The following MBP variants were observed in gnomAD, a reference collection of about 807,000 sequenced individuals.
The protein encoded by MBP is myelin basic protein.
In MBP, 16 loss-of-function variants were observed where a neutral mutation model predicts 35.8. The ratio of observed to expected loss-of-function variants is 0.45; its 90% CI spans 0.30 to 0.68. The LOEUF is 0.68. MBP is among the 30% of genes least tolerant of loss of function. The probability of loss-of-function intolerance (pLI) is 0.08; values close to 1 mark genes in which losing one functional copy is unlikely to be tolerated. For synonymous variants in MBP, 143 were observed against 159.6 expected (o/e 0.90, Z 0.78); for missense variants, 380 against 404.7 (o/e 0.94, Z 0.52).
chr18:77,034,442 C>A (rs555744943), intron 3 of MBP, among the ~76,000 whole-genome samples: 1 of 152,230 alleles, frequency 6.6e-6, no homozygotes, highest in Non-Finnish European at 1.5e-5. Flanking sequence ...GAGCCTGACC[C>A]AGAGACCCAG....
At chr18:77,038,093 A>G (rs534633277) in intron 3 of MBP, among the ~76,000 whole-genome samples, 2 of 152,358 alleles carry the variant, frequency 1.3e-5, no homozygotes, top group African/African-American at 4.8e-5. Flanking sequence ...AGCGACTACT[A>G]AGATAGAAGA....
chr18:77,041,184 T>G (rs1038518820), intron 3 of MBP, among the ~76,000 whole-genome samples: 28 of 152,294 alleles, frequency 1.8e-4, no homozygotes, highest in African/African-American at 6.3e-4. Flanking sequence ...AAAATGCTCA[T>G]CATCACTGGT....
chr18:77,045,750 T>A (rs1342881485), intron 3 of MBP, among the ~76,000 whole-genome samples: 1 of 152,256 alleles, frequency 6.6e-6, no homozygotes, highest in Admixed American at 6.5e-5. Context: ...CTTTCATTTT[T>A]ATTAGAAACA....
At chr18:77,004,697 TGA>T (rs1004521155) in intron 4 of MBP, 5 of 152,314 alleles carry the variant, frequency 3.3e-5, no homozygotes, top group African/African-American at 1.2e-4. Flanking sequence ...ATACTGGGAA[TGA>T]GAGCGCTGCA....
At chr18:77,043,131 A>G (rs1342437170) in intron 3 of MBP, among the ~76,000 whole-genome samples, 1 of 152,240 alleles carries the variant, frequency 6.6e-6, no homozygotes, top group African/African-American at 2.4e-5. Flanking sequence ...TATAGGGCCT[A>G]TCAGAATGAA....
intron 3 of MBP, among the ~76,000 whole-genome samples, chr18:77,022,884 A>G (rs1168236152): frequency 6.6e-6 from 1 of 152,242 alleles, no homozygotes; most frequent in Non-Finnish European, 1.5e-5. Context: ...AGTGCAGTTT[A>G]GTCGTTAATA....
At chr18:77,017,402 T>G in intron 3 of MBP, 134 bp from the exon 4 acceptor site, 1 of 773,342 alleles carries the variant, frequency 1.3e-6, no homozygotes, top group Non-Finnish European at 1.8e-6. Context: ...CATAAAGCCC[T>G]TGGCCTAGGA....
rs537554555 is a variant in MBP at position 77,033,030 on chromosome 18, T to TGATCTCAGCTCACTGTA, written c.140-15779_140-15763dup. 2.4e-4 allele frequency among the ~76,000 whole-genome samples: 36 copies of TGATCTCAGCTCACTGTA among 152,330 alleles called. No individual in the cohort carries two copies. In the South Asian group the frequency reaches 5.2e-3, roughly 22 times the overall value. Reference sequence around the variant, plus strand: ...TGACCCAGGCTGGAGTGCGGAGGCATGATCTCAGCTCACTGTAGCCTCCAC... The same window carrying TGATCTCAGCTCACTGTA: ...TGACCCAGGCTGGAGTGCGGAGGCATGATCTCAGCTCACTGTAGATCTCAGCTCACTGTAGCCTCCAC... On this transcript the variant is annotated intron_variant, in intron 3 of 8. Coordinates refer to ENST00000355994, the MANE Select transcript of MBP (RefSeq NM_001025101.2).
chr18:76,999,461 A>T (rs995894731), intron 4 of MBP, among the ~76,000 whole-genome samples: 7 of 144,482 alleles, frequency 4.8e-5, no homozygotes, highest in South Asian at 2.2e-4. Flanking sequence ...TAGTTTAGGT[A>T]TTTTTTTTTT....
intron 1 of MBP, among the ~76,000 whole-genome samples, chr18:77,119,630 C>T (rs1205815660): frequency 6.6e-6 from 1 of 152,208 alleles, no homozygotes; most frequent in African/African-American, 2.4e-5. Context: ...CAACACCCTC[C>T]ATGTGTGTCT....
At chr18:77,091,735 A>T (rs1975534730) in intron 2 of MBP, among the ~76,000 whole-genome samples, 1 of 151,086 alleles carries the variant, frequency 6.6e-6, no homozygotes, top group Non-Finnish European at 1.5e-5. Context: ...ACATATACAC[A>T]CCACAAATAC....
intron 2 of MBP, among the ~76,000 whole-genome samples, chr18:77,082,000 C>T (rs1007661178): frequency 2.6e-5 from 4 of 151,022 alleles, no homozygotes; most frequent in South Asian, 2.1e-4. Flanking sequence ...TACAGGTGCC[C>T]GCCACAACGC....
chr18:77,115,558 C>G (rs1408196889), intron 1 of MBP: 1 of 152,230 alleles, frequency 6.6e-6, no homozygotes, highest in East Asian at 1.9e-4. Flanking sequence ...GAATGCTGTG[C>G]TGTGGCCACA....
At chr18:77,045,467 G>A (rs1246601) in intron 3 of MBP, among the ~76,000 whole-genome samples, 1,295 of 29,092 alleles carry the variant, frequency 0.045, no homozygotes, top group South Asian at 0.11. Context: ...CCGCTGCAGC[G>A]GCACCTGCCT....
chr18:77,084,201 T>C (rs1789134), intron 2 of MBP, among the ~76,000 whole-genome samples: 1 of 151,826 alleles, frequency 6.6e-6, no homozygotes, highest in Non-Finnish European at 1.5e-5. Flanking sequence ...GAGATCATTT[T>C]GTAGTGTAAT....
chr18:77,105,363 A>G, intron 1 of MBP, 77 bp from the exon 2 acceptor site: 4 of 933,462 alleles, frequency 4.3e-6, no homozygotes, highest in Non-Finnish European at 6.9e-6. Flanking sequence ...CATCAGAAAG[A>G]CAATCCTGTG....
At chr18:77,067,276 G>T (rs1186755886) in intron 2 of MBP, among the ~76,000 whole-genome samples, 6 of 152,110 alleles carry the variant, frequency 3.9e-5, no homozygotes, top group African/African-American at 1.4e-4. Flanking sequence ...AATCATCTGG[G>T]CACCTTCAGA....
rs375604453 is a variant in MBP, at chr18:77,119,970, C to A, written c.-26+12610G>T. Among the ~76,000 whole-genome samples, 138 of 152,276 alleles carry A rather than the reference C, an allele frequency of 9.1e-4. 2 individuals are homozygous for A. The South Asian group carries it at 0.028, about 31-fold the overall frequency. On this transcript the variant is annotated intron_variant, in intron 1 of 8. Coordinates refer to ENST00000355994, the MANE Select transcript of MBP (RefSeq NM_001025101.2). ...GCGCAGTGGGAGCAGCTGCAGTGGC[C>A]CAGGCCACCCCCAGGTGACTCTCCT... is the stretch of plus-strand genomic sequence containing the variant.
At chr18:77,096,320 T>C (rs1443795831) in intron 2 of MBP, among the ~76,000 whole-genome samples, 1 of 152,248 alleles carries the variant, frequency 6.6e-6, no homozygotes, top group Non-Finnish European at 1.5e-5. Context: ...TAATAGTATC[T>C]GGAGAGTGTC....
Sources: gnomAD v4.1 joint callset for allele counts (sites outside exome capture counted in the v4.1 genomes callset) on GRCh38, gnomAD v4.1.1 for gene constraint, MANE v1.5 for transcripts, NCBI Gene and HGNC (gene_info 2026-07-23, HGNC 2026-07-21) for gene names.